Variants in PTPDC1 observed in about 807,000 individuals in gnomAD.
PTPDC1 encodes the protein protein tyrosine phosphatase domain-containing protein 1.
In PTPDC1, 53 loss-of-function variants were observed where a neutral mutation model predicts 75.3. That is an observed-to-expected ratio of 0.70 (90% CI 0.56 to 0.88). The LOEUF is 0.88. Ranked by LOEUF, PTPDC1 falls within the 40% of genes least tolerant of loss-of-function variation. The pLI, the probability that PTPDC1 is intolerant of heterozygous loss-of-function variation, is 0.00. For missense variants in PTPDC1, 925 were observed against 998.6 expected, an observed-to-expected ratio of 0.93 and a Z score of 0.99; for synonymous variants, 349 against 366.2, an observed-to-expected ratio of 0.95 and a Z score of 0.54.
intron 1 of PTPDC1, among the ~76,000 whole-genome samples, chr9:94,049,611 G>A (rs1175325700): frequency 6.6e-6 from 1 of 152,118 alleles, no homozygotes; most frequent in Non-Finnish European, 1.5e-5. Context: ...TTCCCCTTGT[G>A]GGTAACCCGA....
chr9:94,090,984 G>C (rs1445014340), intron 4 of PTPDC1, among the ~76,000 whole-genome samples: 5 of 152,178 alleles, frequency 3.3e-5, no homozygotes, highest in Non-Finnish European at 1.5e-5. Context: ...TTTTGGGCTT[G>C]AGACAATGGG....
Position 94,098,458 on chromosome 9 carries a change from A to C in PTPDC1, c.1892A>C (p.His631Pro), listed in dbSNP as rs1564035438. Residue 631 changes from histidine to proline, a missense_variant, in exon 6 of 9, where the codon CAC (histidine) becomes CCC (proline). Coordinates refer to ENST00000620992, the MANE Select transcript of PTPDC1 (RefSeq NM_001253829.2). ...DSKDLSEAAS[H>P]SALQSELSAE... ...AAAGATCTGTCTGAAGCAGCTTCACACTCTGCATTACAGTCTGAATTGAGT... is the reference window on the plus strand; with the variant it reads ...AAAGATCTGTCTGAAGCAGCTTCACCCTCTGCATTACAGTCTGAATTGAGT... 2 of 1,614,154 alleles carry C rather than the reference A, an allele frequency of 1.2e-6. No homozygotes were observed. Among genetic ancestry groups the C allele is most frequent in the Non-Finnish European group, 1.7e-6 (2 of 1,180,026 alleles).
At chr9:94,035,192 C>G (rs1259001619) in intron 1 of PTPDC1, among the ~76,000 whole-genome samples, 2 of 152,100 alleles carry the variant, frequency 1.3e-5, no homozygotes, top group Non-Finnish European at 2.9e-5. Flanking sequence ...TACTGTTTCC[C>G]AAGAAGTTTG....
chr9:94,068,108 C>G (rs756114565), intron 2 of PTPDC1, among the ~76,000 whole-genome samples: 4 of 151,946 alleles, frequency 2.6e-5, no homozygotes, highest in Non-Finnish European at 5.9e-5. Context: ...ATGGGCAGTG[C>G]TATATTCCTC....
intron 4 of PTPDC1, among the ~76,000 whole-genome samples, chr9:94,093,183 T>C (rs1194338768): frequency 1.3e-5 from 2 of 152,138 alleles, no homozygotes; most frequent in Admixed American, 1.3e-4. Flanking sequence ...CTAGTCTCAA[T>C]GGTCTTTACA....
At chr9:94,089,325 C>T (rs1399468949) in intron 4 of PTPDC1, among the ~76,000 whole-genome samples, 7 of 150,144 alleles carry the variant, frequency 4.7e-5, no homozygotes, top group Non-Finnish European at 8.9e-5. Flanking sequence ...TGAGAATATG[C>T]GGTGTTTGCT....
chr9:94,067,548 T>C (rs567733249), intron 2 of PTPDC1, among the ~76,000 whole-genome samples: 1 of 152,258 alleles, frequency 6.6e-6, no homozygotes, highest in African/African-American at 2.4e-5. Flanking sequence ...ATGTATATAT[T>C]GTGTGTGTAT....
chr9:94,037,782 G>A (rs1299285870), intron 1 of PTPDC1, among the ~76,000 whole-genome samples: 1 of 152,008 alleles, frequency 6.6e-6, no homozygotes, highest in Non-Finnish European at 1.5e-5. Context: ...AGGGTACGAG[G>A]GTTCTATTGG....
intron 4 of PTPDC1, among the ~76,000 whole-genome samples, chr9:94,092,258 C>T (rs1211029181): frequency 1.3e-3 from 182 of 144,094 alleles, no homozygotes; most frequent in Middle Eastern, 7.0e-3. Context: ...GCTTTGAATG[C>T]GTCCCAGAGA....
chr9:94,042,227 C>T (rs751520540), intron 1 of PTPDC1, among the ~76,000 whole-genome samples: 2 of 152,086 alleles, frequency 1.3e-5, no homozygotes, highest in Non-Finnish European at 2.9e-5. Context: ...AACTACAGAA[C>T]GGTACTTATG....
At chr9:94,050,635 C>T (rs967558588) in intron 1 of PTPDC1, among the ~76,000 whole-genome samples, 1 of 152,212 alleles carries the variant, frequency 6.6e-6, no homozygotes, top group Non-Finnish European at 1.5e-5. Context: ...TGGGGGGTGC[C>T]TCCCAGTTAG....
chr9:94,037,488 T>C (rs1266601532), intron 1 of PTPDC1, among the ~76,000 whole-genome samples: 2 of 152,192 alleles, frequency 1.3e-5, no homozygotes, highest in Non-Finnish European at 2.9e-5. Flanking sequence ...TATGTGTGTG[T>C]TTCTTTTATA....
intron 2 of PTPDC1, among the ~76,000 whole-genome samples, chr9:94,066,938 A>AGATC (rs1826328753): frequency 6.6e-6 from 1 of 152,212 alleles, no homozygotes. Flanking sequence ...AATAAAATAA[A>AGATC]GATCCCCATA....
At chr9:94,096,058 C>A (rs1043871006) in intron 5 of PTPDC1, among the ~76,000 whole-genome samples, 1 of 152,092 alleles carries the variant, frequency 6.6e-6, no homozygotes, top group Non-Finnish European at 1.5e-5. Context: ...CTATCTGTGC[C>A]CAGAATTCTA....
intron 8 of PTPDC1, among the ~76,000 whole-genome samples, chr9:94,105,285 C>G (rs1185506665): frequency 6.6e-6 from 1 of 152,210 alleles, no homozygotes. Context: ...AGTCTCAAAT[C>G]CAAACCGCGT....
intron 8 of PTPDC1, among the ~76,000 whole-genome samples, chr9:94,105,865 C>T (rs943655899): frequency 2.0e-5 from 3 of 151,262 alleles, no homozygotes; most frequent in Non-Finnish European, 2.9e-5. Flanking sequence ...CCCAGCTACT[C>T]GGGAGGCTGA....
intron 4 of PTPDC1, among the ~76,000 whole-genome samples, chr9:94,093,439 T>C (rs1161428832): frequency 6.8e-6 from 1 of 146,930 alleles, no homozygotes; most frequent in African/African-American, 2.5e-5. Context: ...TTGTAGGGTT[T>C]CTGCCGAGAG....
intron 4 of PTPDC1, among the ~76,000 whole-genome samples, chr9:94,093,750 TAGTCCC>T (rs1351840840): frequency 4.1e-5 from 6 of 144,654 alleles, no homozygotes; most frequent in African/African-American, 1.6e-4. Context: ...TCTTTTCACA[TAGTCCC>T]ATATTTCTTG....
chr9:94,059,719 G>A (rs1310113185), intron 1 of PTPDC1, among the ~76,000 whole-genome samples: 2 of 152,092 alleles, frequency 1.3e-5, no homozygotes, highest in Non-Finnish European at 2.9e-5. Context: ...TACTTCTGTG[G>A]GATAAAACTT....
Sources: gnomAD v4.1 joint callset for allele counts (sites outside exome capture counted in the v4.1 genomes callset) on GRCh38, gnomAD v4.1.1 for gene constraint, MANE v1.5 for transcripts, NCBI Gene and HGNC (gene_info 2026-07-23, HGNC 2026-07-21) for gene names.